The following FRMD7 variants were observed in gnomAD, a reference collection of about 807,000 sequenced individuals.
FRMD7 encodes FERM domain-containing protein 7.
In FRMD7, 14 loss-of-function variants were observed where a neutral mutation model predicts 44.1. The ratio of observed to expected loss-of-function variants is 0.32; its 90% CI spans 0.21 to 0.50. The LOEUF (loss-of-function observed/expected upper bound fraction) is 0.50. Ranked by LOEUF, FRMD7 falls within the 20% of genes least tolerant of loss-of-function variation. FRMD7 has a pLI of 0.99. For missense variants in FRMD7, 501 were observed against 522.3 expected (o/e 0.96, Z 0.40); for synonymous variants, 212 against 187.4 (o/e 1.13, Z -1.07).
intron 1 of FRMD7, among the ~76,000 whole-genome samples, chrX:132,126,177 G>A (rs962393890): frequency 1.8e-5 from 2 of 111,056 alleles, no homozygotes; most frequent in African/African-American, 3.3e-5. Flanking sequence ...GCTAACTTAA[G>A]CTTCTAACTC....
chrX:132,078,768 TA>T lies in FRMD7; in HGVS notation c.1248del (p.Phe416LeufsTer28). The T allele has an allele frequency of 8.3e-7, 1 of 1,211,085 alleles. No individual in the cohort carries two copies. The highest frequency in any genetic ancestry group is 2.2e-5 in the Admixed American group (1 of 45,991). ...HQSQSSSSFP[F>X]IYMDPVFNTE... ...GTGTTAAAGACAGGGTCCATATAAA[TA>T]AAAGGGAAAGAGGAACTGCTTTGGG... On this transcript the variant is annotated frameshift_variant, in exon 12 of 12. Coordinates refer to ENST00000298542, the MANE Select transcript of FRMD7 (RefSeq NM_194277.3). LOFTEE classifies it high-confidence loss of function.
At chrX:132,090,732 GT>G (rs753477413) in intron 5 of FRMD7, among the ~76,000 whole-genome samples, 3 of 109,895 alleles carry the variant, frequency 2.7e-5, no homozygotes, top group Non-Finnish European at 3.8e-5. Context: ...CAATAGAGCT[GT>G]TTTTTTAAAT....
intron 1 of FRMD7, among the ~76,000 whole-genome samples, chrX:132,103,248 T>C (rs1307364702): frequency 8.9e-6 from 1 of 112,219 alleles, no homozygotes; most frequent in Admixed American, 9.5e-5. Flanking sequence ...GTGTTATGTT[T>C]CTCTTTCTTG....
In FRMD7 at chrX:132,078,615, G is replaced by A. The variant is rs765439361; in HGVS notation, c.1402C>T (p.Arg468Cys). ...SIYSGLTSKV[R>C]PAKQLTYTDV... ...GTGTAAGTTAGCTGCTTTGCTGGAC[G>A]CACTTTGCTTGTGAGGCCAGAATAT... Residue 468 changes from arginine to cysteine, a missense_variant, in exon 12 of 12, where the codon CGT becomes TGT. Around this residue, in one of 3 missense-constraint regions of FRMD7, gnomAD observed 453 missense variants for 452.7 expected, o/e 1.00. Coordinates refer to ENST00000298542, the MANE Select transcript of FRMD7 (RefSeq NM_194277.3). 18 of 1,208,611 alleles carry A rather than the reference G, an allele frequency of 1.5e-5. No homozygotes were observed. The highest frequency in any genetic ancestry group is 4.4e-5 in the Admixed American group (2 of 45,738).
chrX:132,094,191 A>G lies in FRMD7; in HGVS notation c.285-52T>C, dbSNP rs1386332851. The G allele has an allele frequency of 5.2e-6, 4 of 764,782 alleles. No homozygotes were observed. The South Asian group carries it at 6.2e-5, about 12-fold the overall frequency. The allele number at this position is 764,782 out of a possible 1,213,427, so 63.0% of individuals were successfully genotyped here. A position where few individuals can be genotyped will look rare whatever the true frequency, so the allele number is the denominator to read the frequency against. ...TGAGAAAGAAACAGAAATAAGAAAG[A>G]AGCATTTTCCTTCTCCCAGATCCAA... On this transcript the variant is annotated intron_variant, in intron 4 of 11. Transcript: ENST00000298542.
Position 132,077,930 on chromosome X carries a change from T to G in FRMD7, c.2087A>C (p.Asn696Thr), listed in dbSNP as rs1927658787. The G allele has an allele frequency of 8.3e-7, 1 of 1,209,842 alleles. No individual in the cohort carries two copies. Among genetic ancestry groups the G allele is most frequent in the African/African-American group, 1.7e-5 (1 of 57,274 alleles). Reference sequence around the variant, plus strand: ...AGTCCTGTCTTCAGCAGTTGGTGTGTTGAAATAAGCATCTTCATCTTCTTC... The same window carrying G: ...AGTCCTGTCTTCAGCAGTTGGTGTGGTGAAATAAGCATCTTCATCTTCTTC... ...LDEEDEDAYF[N>T]TPTAEDRTSL... The change falls in exon 12 of 12, where the codon AAC (asparagine) becomes ACC (threonine). Residue 696 changes from asparagine (N) to threonine (T), a missense_variant. This residue lies in a region of FRMD7 where 453 missense variants were observed against 452.7 expected (regional missense o/e 1.00). Transcript: ENST00000298542.
intron 5 of FRMD7, among the ~76,000 whole-genome samples, chrX:132,089,060 G>T (rs979026889): frequency 3.5e-4 from 39 of 111,883 alleles, no homozygotes; most frequent in African/African-American, 1.1e-3. Flanking sequence ...AAAGAACAAA[G>T]TTGGGCAATG....
chrX:132,123,395 T>G (rs1382777173), intron 1 of FRMD7, among the ~76,000 whole-genome samples: 2 of 111,788 alleles, frequency 1.8e-5, no homozygotes, highest in Non-Finnish European at 3.8e-5. Flanking sequence ...AAGTGGTGGG[T>G]TTTTTGGTAG....
At chrX:132,095,123 C>T (rs1441752632) in intron 4 of FRMD7, among the ~76,000 whole-genome samples, 1 of 106,630 alleles carries the variant, frequency 9.4e-6, no homozygotes, top group African/African-American at 3.4e-5. Flanking sequence ...GAGATAGAGT[C>T]TCACTCTGTT....
intron 1 of FRMD7, among the ~76,000 whole-genome samples, chrX:132,110,936 G>A (rs184824584): frequency 4.4e-4 from 49 of 112,367 alleles, no homozygotes; most frequent in African/African-American, 1.5e-3. Flanking sequence ...TGTGATCTTA[G>A]AGCTTTGGAA....
At chrX:132,103,486 G>GTCTATCTA (rs34605425) in intron 1 of FRMD7, among the ~76,000 whole-genome samples, 55 of 98,372 alleles carry the variant, frequency 5.6e-4, no homozygotes, top group South Asian at 1.1e-3. Context: ...GCCTTTAAAT[G>GTCTATCTA]TCTATCTATC....
At chrX:132,122,278 C>A (rs1480436712) in intron 1 of FRMD7, among the ~76,000 whole-genome samples, 1 of 112,089 alleles carries the variant, frequency 8.9e-6, no homozygotes, top group African/African-American at 3.2e-5. Flanking sequence ...GTGATAAGGG[C>A]ACATCCTCAG....
chrX:132,097,874 A>G (rs1240007284), intron 3 of FRMD7, among the ~76,000 whole-genome samples: 1 of 112,919 alleles, frequency 8.9e-6, no homozygotes, highest in Non-Finnish European at 1.9e-5. Context: ...TACACAAAAC[A>G]TAAATGCACA....
Position 132,098,931 on chromosome X carries a change from G to C in FRMD7, c.205+537C>G, listed in dbSNP as rs909863711. ...TCTGTGGAATTTTGTAAACATGCAGGTTATTGGCAACTCAGGAATAAGGCC... is the reference window on the plus strand; with the variant it reads ...TCTGTGGAATTTTGTAAACATGCAGCTTATTGGCAACTCAGGAATAAGGCC... On this transcript the variant is annotated intron_variant, in intron 3 of 11. Transcript: ENST00000298542. 1.1e-3 allele frequency among the ~76,000 whole-genome samples: 123 copies of C among 112,011 alleles called. 1 individual carries two copies. Among genetic ancestry groups the C allele is most frequent in the Non-Finnish European group, 3.0e-4 (16 of 53,210 alleles).
At chrX:132,114,882 AT>A (rs1201689403) in intron 1 of FRMD7, among the ~76,000 whole-genome samples, 1 of 112,262 alleles carries the variant, frequency 8.9e-6, no homozygotes, top group Non-Finnish European at 1.9e-5. Flanking sequence ...CTACCCACAC[AT>A]CTATCCAAGT....
chrX:132,108,081 C>T (rs180731388), intron 1 of FRMD7, among the ~76,000 whole-genome samples: 5 of 111,875 alleles, frequency 4.5e-5, no homozygotes, highest in East Asian at 2.8e-4. Context: ...GAAGAGTGAT[C>T]GTGGGTAGGC....
At position 132,082,068 on chromosome X, in the gene FRMD7, A is replaced by G. The variant is rs542257230; in HGVS notation, c.905+295T>C. ...TCTTTCCATGGTTTGCATATAAGTT[A>G]AATATAGGAGAAACAATGGGTTTAT... On this transcript the variant is annotated intron_variant, in intron 9 of 11. Transcript: ENST00000298542. 5.3e-4 allele frequency among the ~76,000 whole-genome samples: 59 copies of G among 112,089 alleles called. 1 individual carries two copies. Among genetic ancestry groups the G allele is most frequent in the African/African-American group, 1.8e-3 (57 of 30,822 alleles).
intron 4 of FRMD7, among the ~76,000 whole-genome samples, chrX:132,096,796 G>T (rs1928351791): frequency 9.1e-6 from 1 of 109,450 alleles, no homozygotes; most frequent in South Asian, 3.9e-4. Flanking sequence ...ACATATTTTT[G>T]CAGAAATAGG....
At chrX:132,086,125 C>G (rs186304497) in intron 5 of FRMD7, 91 bp from the exon 6 acceptor site, 1 of 582,384 alleles carries the variant, frequency 1.7e-6, no homozygotes, top group East Asian at 3.3e-5. Flanking sequence ...ATCAAACAGC[C>G]CCTTCTTTGT....
Sources: allele counts gnomAD v4.1 joint callset (sites outside exome capture counted in the v4.1 genomes callset), GRCh38; gene constraint gnomAD v4.1.1; regional missense constraint gnomAD v4.1.1; transcripts MANE v1.5; gene names NCBI Gene and HGNC (gene_info 2026-07-23, HGNC 2026-07-21).